DCHS2: variants seen among roughly 807,000 people sequenced by gnomAD.
The protein encoded by DCHS2 is protocadherin-23.
Under a neutral mutation model 182.4 loss-of-function variants are expected in DCHS2, and 142 were observed. That is an observed-to-expected ratio of 0.78 (90% CI 0.68 to 0.89). The LOEUF (loss-of-function observed/expected upper bound fraction) is 0.89. DCHS2 is among the 40% of genes least tolerant of loss of function. The pLI is 0.00. For synonymous variants in DCHS2, 1,740 were observed against 1,663.3 expected (o/e 1.05, Z -1.12); for missense variants, 4,319 against 4,198.6 (o/e 1.03, Z -0.79).
At chr4:154,369,221 G>A (rs1212349573) in intron 2 of DCHS2, among the ~76,000 whole-genome samples, 1 of 152,256 alleles carries the variant, frequency 6.6e-6, no homozygotes, top group East Asian at 1.9e-4. Context: ...TTACAAAAAA[G>A]GTAGAGAACT....
chr4:154,251,707 CG>C (rs1364671810), intron 16 of DCHS2, among the ~76,000 whole-genome samples: 6 of 151,992 alleles, frequency 3.9e-5, no homozygotes, highest in African/African-American at 1.2e-4. Flanking sequence ...TTAGTTGAGA[CG>C]GGGTTTTGCC....
At chr4:154,462,396 G>T (rs1010761567) in intron 1 of DCHS2, among the ~76,000 whole-genome samples, 7 of 152,150 alleles carry the variant, frequency 4.6e-5, no homozygotes, top group African/African-American at 1.7e-4. Context: ...AAGCTTTCAT[G>T]TATATTCTCT....
At chr4:154,407,974 C>T (rs1732468519) in intron 1 of DCHS2, among the ~76,000 whole-genome samples, 1 of 152,062 alleles carries the variant, frequency 6.6e-6, no homozygotes, top group Non-Finnish European at 1.5e-5. Context: ...CTCCTCCCAC[C>T]CACCCCAAGT....
chr4:154,363,257 A>G (rs13114519), intron 3 of DCHS2, among the ~76,000 whole-genome samples: 49,883 of 152,072 alleles, frequency 0.33, 8,458 homozygotes, highest in East Asian at 0.45. Flanking sequence ...AGATATATTT[A>G]CACTAGTATG....
At position 154,315,876 on chromosome 4, in the gene DCHS2, G is replaced by T. The variant is rs1346223362; in HGVS notation, c.5132C>A (p.Thr1711Lys). Residue 1711 changes from threonine (T) to lysine (K), a missense_variant, in exon 10 of 20, where the codon ACA becomes AAA. Transcript: ENST00000357232. ...TPALSSSQTLTVTVLDVNDEA... is the reference protein window; with the variant it reads ...TPALSSSQTLKVTVLDVNDEA... ...ATCATTTACATCAAGAACAGTAACT[G>T]TCAAAGTCTGGGATGAAGAAAGTGC... The T allele has an allele frequency of 6.2e-7, 1 of 1,613,988 alleles. No individual in the cohort carries two copies. The highest frequency in any genetic ancestry group is 1.7e-5 in the Admixed American group (1 of 59,986).
At chr4:154,291,790 A>T (rs1017291548) in intron 13 of DCHS2, among the ~76,000 whole-genome samples, 1 of 151,996 alleles carries the variant, frequency 6.6e-6, no homozygotes, top group East Asian at 1.9e-4. Context: ...GATGGTTACC[A>T]GAAGCTGGGA....
chr4:154,418,830 T>A (rs370659749), intron 1 of DCHS2, among the ~76,000 whole-genome samples: 1 of 152,232 alleles, frequency 6.6e-6, no homozygotes, highest in African/African-American at 2.4e-5. Context: ...ATATTTTTAA[T>A]GAGTAAGTTT....
rs187733738 is a variant in DCHS2 at position 154,297,911 on chromosome 4, C to T, written c.6403G>A (p.Val2135Ile). 1.1e-5 allele frequency: 17 copies of T among 1,614,102 alleles called. No individual in the cohort carries two copies. Among genetic ancestry groups the T allele is most frequent in the Non-Finnish European group, 1.4e-5 (17 of 1,179,998 alleles). The change falls in exon 13 of 20, where the codon GTA becomes ATA. Residue 2135 changes from valine to isoleucine, a missense_variant. Transcript: ENST00000357232. ...AGGTGGTGGCTGAAGGAAATCTTTA[C>T]ATCTTCTCCTTCCATGTGAATGACC... ...LLVIHMEGEDVKISFSHHLYK... is the reference protein window; with the variant it reads ...LLVIHMEGEDIKISFSHHLYK...
chr4:154,450,255 T>G (rs532478567), intron 1 of DCHS2, among the ~76,000 whole-genome samples: 1 of 152,198 alleles, frequency 6.6e-6, no homozygotes, highest in East Asian at 1.9e-4. Flanking sequence ...TGCCAAAGAA[T>G]AGAAAGGGGA....
At chr4:154,408,258 T>G (rs1395672565) in intron 1 of DCHS2, among the ~76,000 whole-genome samples, 1 of 152,210 alleles carries the variant, frequency 6.6e-6, no homozygotes, top group African/African-American at 2.4e-5. Context: ...TTAATCATAT[T>G]ATCTCATTTG....
At chr4:154,393,388 A>G (rs1433404908) in intron 1 of DCHS2, among the ~76,000 whole-genome samples, 2 of 152,184 alleles carry the variant, frequency 1.3e-5, no homozygotes, top group Admixed American at 1.3e-4. Flanking sequence ...GGGAAAAAAA[A>G]TGGGCTTCAT....
intron 8 of DCHS2, among the ~76,000 whole-genome samples, chr4:154,321,718 C>T (rs1323704320): frequency 6.6e-6 from 1 of 152,124 alleles, no homozygotes. Context: ...AATTTGGAAA[C>T]AGAGTTCTTG....
At position 154,235,197 on chromosome 4, in the gene DCHS2, A is replaced by G; in HGVS notation, c.9455T>C (p.Met3152Thr). Residue 3152 changes from methionine (M) to threonine (T), a missense_variant, in exon 20 of 20, where the codon ATG becomes ACG. By Grantham distance (81) the Met-to-Thr change is moderately conservative. Coordinates refer to ENST00000357232, the MANE Select transcript of DCHS2 (RefSeq NM_001358235.2). ...LSCLSGETDV[M>T]VTAETAEASQ... ...GGCTTCTGCTGTTTCGGCAGTCACC[A>G]TCACATCAGTTTCCCCAGATAGGCA... 1 of 1,614,080 alleles carries G rather than the reference A, an allele frequency of 6.2e-7. No homozygotes were observed. The highest frequency in any genetic ancestry group is 1.1e-5 in the South Asian group (1 of 91,088).
rs185340383 is a variant in DCHS2 at position 154,435,393 on chromosome 4, G to A, written c.2052+53911C>T. ...AGGCAGATCACGAGGTCAGGAGATC[G>A]AGACCATCCTGTGTTACACGGTGAA... On this transcript the variant is annotated intron_variant, in intron 1 of 19. Transcript: ENST00000357232. Among the ~76,000 whole-genome samples, 866 of 152,102 alleles carry A rather than the reference G, an allele frequency of 5.7e-3. 6 individuals carry two copies. The highest frequency in any genetic ancestry group is 8.6e-3 in the Non-Finnish European group (583 of 67,972).
intron 13 of DCHS2, among the ~76,000 whole-genome samples, chr4:154,296,340 A>G (rs1175670525): frequency 1.3e-5 from 2 of 152,118 alleles, no homozygotes; most frequent in Non-Finnish European, 2.9e-5. Flanking sequence ...GTGGAGGGGT[A>G]GTCAGGAGGG....
intron 1 of DCHS2, among the ~76,000 whole-genome samples, chr4:154,484,315 T>G (rs1172939228): frequency 2.6e-5 from 4 of 152,200 alleles, no homozygotes; most frequent in African/African-American, 9.7e-5. Context: ...CTTCTTTCTA[T>G]TCTTTCTACT....
rs1461175072 is a variant in DCHS2, at chr4:154,298,281, G to A, written c.6033C>T (p.Asp2011=). Reference sequence around the variant, plus strand: ...TGCTTCGTGAACCCTGGATGCTACAGTCTCTGGCCACAGCACTAAATGTAT... The same window carrying A: ...TGCTTCGTGAACCCTGGATGCTACAATCTCTGGCCACAGCACTAAATGTAT... The part of the protein sequence containing the change: ...SQHTFSAVAR[D]CSIQGSRSTT... The change falls in exon 13 of 20, where the codon GAC becomes GAT. Residue 2011 remains aspartate, a synonymous_variant. Coordinates refer to ENST00000357232, the MANE Select transcript of DCHS2 (RefSeq NM_001358235.2). 6.2e-7 allele frequency: 1 copy of A among 1,614,186 alleles called. No homozygotes were observed. The highest frequency in any genetic ancestry group is 8.5e-7 in the Non-Finnish European group (1 of 1,180,012).
intron 13 of DCHS2, among the ~76,000 whole-genome samples, chr4:154,285,318 G>A (rs942193908): frequency 3.3e-5 from 5 of 151,876 alleles, no homozygotes; most frequent in African/African-American, 1.2e-4. Flanking sequence ...TGGTGGCTAT[G>A]GGGAGAGACC....
At chr4:154,437,790 G>A (rs755387981) in intron 1 of DCHS2, among the ~76,000 whole-genome samples, 1 of 152,046 alleles carries the variant, frequency 6.6e-6, no homozygotes, top group Non-Finnish European at 1.5e-5. Context: ...GTATTCTTTA[G>A]TCTCCTACAT....
Sources: allele counts gnomAD v4.1 joint callset (sites outside exome capture counted in the v4.1 genomes callset), GRCh38; gene constraint gnomAD v4.1.1; transcripts MANE v1.5; gene names NCBI Gene and HGNC (gene_info 2026-07-23, HGNC 2026-07-21).